TAS2R1: variants seen among roughly 807,000 people sequenced by gnomAD.
The protein encoded by TAS2R1 is taste receptor type 2 member 1.
For missense variants in TAS2R1, 370 were observed against 353.4 expected, an observed-to-expected ratio of 1.05 and a Z score of -0.38; for synonymous variants, 141 against 134.2, an observed-to-expected ratio of 1.05 and a Z score of -0.35.
chr5:9,864,879 C>A, the TAS2R1 span, among the ~76,000 whole-genome samples: 1 of 152,064 alleles, frequency 6.6e-6, no homozygotes, highest in Admixed American at 6.6e-5. Flanking sequence ...GAGACAGAGG[C>A]CACAAACTGC....
chr5:9,650,557 C>G (rs140784051), intron 2 of TAS2R1, among the ~76,000 whole-genome samples: 2 of 152,092 alleles, frequency 1.3e-5, no homozygotes, highest in African/African-American at 4.8e-5. Context: ...CCAGGGTGGA[C>G]CTGGTGGTGT....
At chr5:9,725,511 C>G in the TAS2R1 span, among the ~76,000 whole-genome samples, 1 of 152,214 alleles carries the variant, frequency 6.6e-6, no homozygotes, top group South Asian at 2.1e-4. Context: ...GCCGGCCTAC[C>G]GGCGCTGCGC....
At chr5:9,894,626 G>A in the TAS2R1 span, among the ~76,000 whole-genome samples, 12 of 152,208 alleles carry the variant, frequency 7.9e-5, no homozygotes, top group African/African-American at 2.9e-4. Flanking sequence ...AAGCCATCCA[G>A]TCTGTAGTAA....
At chr5:9,780,895 C>G in the TAS2R1 span, among the ~76,000 whole-genome samples, 1 of 152,154 alleles carries the variant, frequency 6.6e-6, no homozygotes, top group African/African-American at 2.4e-5. Context: ...ACTGAGGTTT[C>G]CCAGAAAACA....
chr5:9,783,739 A>G, the TAS2R1 span, among the ~76,000 whole-genome samples: 1 of 152,244 alleles, frequency 6.6e-6, no homozygotes, highest in African/African-American at 2.4e-5. Context: ...TTTTATTATA[A>G]CAGAAAAGCC....
the TAS2R1 span, among the ~76,000 whole-genome samples, chr5:9,737,616 A>G: frequency 6.6e-6 from 1 of 152,098 alleles, no homozygotes; most frequent in African/African-American, 2.4e-5. Flanking sequence ...GAACAAGGAG[A>G]GCGAGGAGCT....
chr5:9,762,479 T>C, the TAS2R1 span, among the ~76,000 whole-genome samples: 1 of 152,218 alleles, frequency 6.6e-6, no homozygotes, highest in South Asian at 2.1e-4. Context: ...TGGTAATGTG[T>C]CTTTTCCAAC....
chr5:9,854,072 A>C, the TAS2R1 span, among the ~76,000 whole-genome samples: 1 of 152,208 alleles, frequency 6.6e-6, no homozygotes, highest in East Asian at 1.9e-4. Flanking sequence ...AAGAAGTCTA[A>C]GATCCAGCTG....
chr5:9,809,492 C>T, the TAS2R1 span, among the ~76,000 whole-genome samples: 6 of 152,092 alleles, frequency 3.9e-5, no homozygotes, highest in Admixed American at 1.3e-4. Context: ...ACCAGGCCTA[C>T]GAGACACAGC....
chr5:9,772,136 T>C, the TAS2R1 span, among the ~76,000 whole-genome samples: 1 of 152,096 alleles, frequency 6.6e-6, no homozygotes, highest in African/African-American at 2.4e-5. Flanking sequence ...ATGTAGGCAC[T>C]TACAGCTATA....
At chr5:9,715,954 G>A (rs373564534), upstream of TAS2R1, among the ~76,000 whole-genome samples, 2 of 152,302 alleles carry the variant, frequency 1.3e-5, no homozygotes, top group East Asian at 1.9e-4. Context: ...AGCTACATAC[G>A]ATTATGTTAT....
chr5:9,846,917 G>A, the TAS2R1 span, among the ~76,000 whole-genome samples: 1 of 151,974 alleles, frequency 6.6e-6, no homozygotes, highest in Non-Finnish European at 1.5e-5. Context: ...TTTCTTTCAG[G>A]TGTAACCATG....
chr5:9,786,522 C>T, the TAS2R1 span, among the ~76,000 whole-genome samples: 3,636 of 152,232 alleles, frequency 0.024, 59 homozygotes, highest in Non-Finnish European at 0.037. Context: ...TACAATAACA[C>T]GGTTCTCAAC....
the TAS2R1 span, among the ~76,000 whole-genome samples, chr5:9,739,938 C>T: frequency 6.6e-6 from 1 of 152,150 alleles, no homozygotes; most frequent in East Asian, 1.9e-4. Context: ...AATTAGTCCT[C>T]CCAGAATTCA....
the TAS2R1 span, among the ~76,000 whole-genome samples, chr5:9,865,252 CT>C: frequency 1.3e-5 from 2 of 152,128 alleles, no homozygotes; most frequent in Admixed American, 6.5e-5. Context: ...GACACAAATT[CT>C]AGTGATATCC....
At chr5:9,868,862 G>A in the TAS2R1 span, among the ~76,000 whole-genome samples, 1 of 152,152 alleles carries the variant, frequency 6.6e-6, no homozygotes, top group Non-Finnish European at 1.5e-5. Context: ...TAGGGCAGGG[G>A]CAAAATGCCA....
intron 1 of TAS2R1, among the ~76,000 whole-genome samples, chr5:9,695,758 A>C (rs574944741): frequency 6.6e-6 from 1 of 152,294 alleles, no homozygotes; most frequent in African/African-American, 2.4e-5. Flanking sequence ...TACATGCCTC[A>C]GTCAGAAATT....
chr5:9,692,492 G>A (rs1480223754), intron 1 of TAS2R1, among the ~76,000 whole-genome samples: 1 of 152,190 alleles, frequency 6.6e-6, no homozygotes, highest in Non-Finnish European at 1.5e-5. Context: ...TCAAAAAGCT[G>A]TACACCTGGT....
chr5:9,783,641 T>C, the TAS2R1 span, among the ~76,000 whole-genome samples: 2,481 of 152,350 alleles, frequency 0.016, 61 homozygotes, highest in African/African-American at 0.054. Context: ...AATTTTGTGC[T>C]TTTTTAATGG....
Sources: allele counts gnomAD v4.1 joint callset (sites outside exome capture counted in the v4.1 genomes callset), GRCh38; gene constraint gnomAD v4.1.1; transcripts MANE v1.5; gene names NCBI Gene and HGNC (gene_info 2026-07-23, HGNC 2026-07-21).